The following IL32 variants were observed in gnomAD, a reference collection of about 807,000 sequenced individuals.
IL32 encodes the protein interleukin 32, also known as interleukin-32.
In IL32, 30 loss-of-function variants were observed where a neutral mutation model predicts 16.6. The observed-to-expected ratio is 1.81, with a 90% CI of 1.35 to 2.45. IL32 has a LOEUF of 2.45. IL32 is among the 30% of genes most tolerant of loss of function. The pLI, the probability that IL32 is intolerant of heterozygous loss-of-function variation, is 0.00. For missense variants in IL32, 234 were observed against 229.8 expected (o/e 1.02, Z -0.12); for synonymous variants, 70 against 86.1 (o/e 0.81, Z 1.03).
In IL32 at chr16:3,065,873, A is replaced by G. The variant is rs1162158937; in HGVS notation, c.15+47A>G. On this transcript the variant is annotated intron_variant, in intron 2 of 6. Transcript: ENST00000525643. ...CTTTTGTGGGCATGTCTGAAAACAGACCGTAAGGGTGCGGGTGCCCTCAGT... is the reference window on the plus strand; with the variant it reads ...CTTTTGTGGGCATGTCTGAAAACAGGCCGTAAGGGTGCGGGTGCCCTCAGT... The G allele has an allele frequency of 4.3e-6, 7 of 1,611,982 alleles. No individual in the cohort carries two copies. In the South Asian group the frequency reaches 7.7e-5, roughly 18 times the overall value.
intron 2 of IL32, among the ~76,000 whole-genome samples, chr16:3,066,999 C>CTGGCCCTGCTCTTGTG (rs1956397751): frequency 5.6e-5 from 4 of 71,036 alleles, no homozygotes; most frequent in East Asian, 4.9e-4. Context: ...TAGGCCCACG[C>CTGGCCCTGCTCTTGTG]AGGCCCTGCT....
chr16:3,066,126 T>C (rs1956280462), intron 2 of IL32, among the ~76,000 whole-genome samples: 1 of 152,048 alleles, frequency 6.6e-6, no homozygotes, highest in Non-Finnish European at 1.5e-5. Flanking sequence ...ACTCGGAGAA[T>C]GCTTCTCTCA....
rs868547186 is a variant in IL32, at chr16:3,067,030, A to C, written c.16-347A>C. ...CTGCTCTTGTGAGGAGGGGTCACCTAGGCCCACGCAGGCCCTGCTCTTGTG... is the reference window on the plus strand; with the variant it reads ...CTGCTCTTGTGAGGAGGGGTCACCTCGGCCCACGCAGGCCCTGCTCTTGTG... On this transcript the variant is annotated intron_variant, in intron 2 of 6. Transcript: ENST00000525643. Among the ~76,000 whole-genome samples, 7 of 56,278 alleles carry C rather than the reference A, an allele frequency of 1.2e-4. No homozygotes were observed. The East Asian group carries it at 4.7e-3, about 38-fold the overall frequency. 36.9% of individuals were successfully genotyped at this position (56,278 alleles called of 152,430 possible).
rs370604353 is a variant in IL32, at chr16:3,068,247, T to C, written c.201+8T>C. ...TATGAGGAGCAGCACCCAGTGAGTA[T>C]GACACACCCATCTGGGCACCTTGCC... is the stretch of plus-strand genomic sequence containing the variant. On this transcript the variant is annotated splice_region_variant and intron_variant, in intron 6 of 6. Transcript: ENST00000525643. 4.3e-5 allele frequency: 68 copies of C among 1,588,738 alleles called. No individual in the cohort carries two copies. Among genetic ancestry groups the C allele is most frequent in the Non-Finnish European group, 5.4e-5 (63 of 1,166,854 alleles).
upstream of IL32, chr16:3,065,611 A>G (rs1956227799): frequency 5.8e-6 from 4 of 688,082 alleles, no homozygotes; most frequent in East Asian, 7.5e-5. Context: ...CACTTTCCCC[A>G]TAAAACCAGC....
upstream of IL32, chr16:3,065,523 C>G (rs1438397216): frequency 1.8e-6 from 1 of 552,766 alleles, no homozygotes; most frequent in African/African-American, 1.9e-5. Context: ...CTGTCTCTGT[C>G]TCTGTCTCTG....
chr16:3,067,885 G>T (rs541259667), intron 4 of IL32, 99 bp from the exon 5 acceptor site: 25 of 1,403,380 alleles, frequency 1.8e-5, no homozygotes, highest in Non-Finnish European at 2.4e-5. Context: ...GGCCCAGTTC[G>T]GGGTGTGTGG....
intron 6 of IL32, 83 bp from the exon 7 acceptor site, chr16:3,068,907 A>T: frequency 1.3e-6 from 2 of 1,591,036 alleles, no homozygotes; most frequent in East Asian, 4.5e-5. Flanking sequence ...AGGGTCAGGA[A>T]AAGGCTGAGA....
In IL32 at chr16:3,069,429, C is replaced by G; in HGVS notation, c.*74C>G. 1 of 1,481,334 alleles carries G rather than the reference C, an allele frequency of 6.8e-7. No homozygotes were observed. The highest frequency in any genetic ancestry group is 9.1e-7 in the Non-Finnish European group (1 of 1,101,598). 91.8% of individuals were successfully genotyped at this position (1,481,334 alleles called of 1,614,324 possible). On this transcript the variant is annotated 3_prime_UTR_variant, in exon 7 of 7. Transcript: ENST00000525643. ...ACCCCTCCCTCAGCTGTCCTGTGCCCCGCCCTCTCCCGCACACTCAGTCCC... is the reference window on the plus strand; with the variant it reads ...ACCCCTCCCTCAGCTGTCCTGTGCCGCGCCCTCTCCCGCACACTCAGTCCC...
rs115160231 is a variant in IL32 at position 3,066,849 on chromosome 16, G to A, written c.16-528G>A. ...ACCCAGCTGAGCCAGCCTGCTCCAGGACAGTGTCCATCCTCCCGTGTGTGT... is the reference window on the plus strand; with the variant it reads ...ACCCAGCTGAGCCAGCCTGCTCCAGAACAGTGTCCATCCTCCCGTGTGTGT... On this transcript the variant is annotated intron_variant, in intron 2 of 6. Transcript: ENST00000525643. Among the ~76,000 whole-genome samples the A allele has an allele frequency of 1.9e-3, 292 of 152,186 alleles. 2 individuals carry two copies. Among genetic ancestry groups the A allele is most frequent in the African/African-American group, 6.5e-3 (268 of 41,482 alleles).
At chr16:3,067,791 C>G (rs187682429) in intron 4 of IL32, 178 bp downstream of exon 4, 1 of 811,770 alleles carries the variant, frequency 1.2e-6, no homozygotes, top group African/African-American at 1.7e-5. Context: ...TCTGGACGCC[C>G]GGGGAGACTG....
chr16:3,065,553 C>G (rs1380156360), upstream of IL32: 3 of 595,036 alleles, frequency 5.0e-6, no homozygotes, highest in Non-Finnish European at 9.0e-6. Flanking sequence ...GTTTTTCACG[C>G]ACTCAGCAAG....
intron 6 of IL32, chr16:3,068,671 G>T: frequency 2.3e-6 from 1 of 440,786 alleles, no homozygotes; most frequent in Non-Finnish European, 4.2e-6. Flanking sequence ...AGCTTGGGGT[G>T]GAGGGCTGGG....
chr16:3,067,321 C>G (rs1956488847), intron 2 of IL32, 56 bp from the exon 3 acceptor site: 2 of 828,386 alleles, frequency 2.4e-6, no homozygotes, highest in Non-Finnish European at 3.8e-6. Context: ...ATAAATTATC[C>G]TGGAGGAAAG....
chr16:3,067,686 G>C (rs764211929), intron 4 of IL32, 73 bp downstream of exon 4: 2 of 1,182,858 alleles, frequency 1.7e-6, no homozygotes, highest in Admixed American at 1.7e-5. Context: ...GTGGGGCTCA[G>C]GGTGAGAAGG....
Position 3,068,993 on chromosome 16 carries a change from C to G in IL32, c.205C>G (p.Leu69Val). 4 of 1,574,866 alleles carry G rather than the reference C, an allele frequency of 2.5e-6. No homozygotes were observed. Among genetic ancestry groups the G allele is most frequent in the Middle Eastern group, 1.7e-4 (1 of 5,832 alleles). ...GAATGGTGCTCCCATTCCACAGGAG[C>G]TCACTCCTCTACTTGAAAAAGAAAG... is the stretch of plus-strand genomic sequence containing the variant. Reference protein sequence around the residue: ...AAYYEEQHPELTPLLEKERDG... With the variant: ...AAYYEEQHPEVTPLLEKERDG... Residue 69 changes from leucine (L) to valine (V), a missense_variant, in exon 7 of 7, where the codon CTC (leucine) becomes GTC (valine). Physicochemically the swap from Leu to Val is conservative, Grantham distance 32. This residue lies in a region of IL32 where 44 missense variants were observed against 103.1 expected (regional missense o/e 0.43). Transcript: ENST00000525643.
At position 3,069,194 on chromosome 16, in the gene IL32, G is replaced by A. The variant is rs765446264; in HGVS notation, c.406G>A (p.Ala136Thr). 2.5e-6 allele frequency: 4 copies of A among 1,614,004 alleles called. No homozygotes were observed. Among genetic ancestry groups the A allele is most frequent in the Non-Finnish European group, 3.4e-6 (4 of 1,180,018 alleles). Residue 136 changes from alanine (A) to threonine (T), a missense_variant, in exon 7 of 7, where the codon GCC (alanine) becomes ACC (threonine). Physicochemically the swap from Ala to Thr is moderately conservative, Grantham distance 58. Coordinates refer to ENST00000525643, the MANE Select transcript of IL32 (RefSeq NM_001376923.1). ...GGCCTGGGTGAAGGAGAAGGTGGTG[G>A]CCCTGGTCCATGCAGTGCAGGCCCT... Reference protein sequence around the residue: ...VLAWVKEKVVALVHAVQALWK... With the variant: ...VLAWVKEKVVTLVHAVQALWK...
Position 3,069,039 on chromosome 16 carries a change from G to A in IL32, c.251G>A (p.Gly84Asp), listed in dbSNP as rs371449782. The A allele has an allele frequency of 3.8e-5, 61 of 1,605,066 alleles. No individual in the cohort carries two copies. The highest frequency in any genetic ancestry group is 2.3e-4 in the African/African-American group (17 of 74,252). Residue 84 changes from glycine to aspartate, a missense_variant, in exon 7 of 7, where the codon GGC (glycine) becomes GAC (aspartate). Gly to Asp is a moderately conservative substitution (Grantham distance 94). Around this residue, in one of 3 missense-constraint regions of IL32, gnomAD observed 44 missense variants for 103.1 expected, o/e 0.43. Transcript: ENST00000525643. ...EKERDGLRCR[G>D]NRSPVPDVED... Reference sequence around the variant, plus strand: ...GAAAGAGATGGATTACGGTGCCGAGGCAACAGATCCCCTGTCCCGGATGTT... The same window carrying A: ...GAAAGAGATGGATTACGGTGCCGAGACAACAGATCCCCTGTCCCGGATGTT...
intron 5 of IL32, 74 bp from the exon 6 acceptor site, chr16:3,068,106 T>C: frequency 1.2e-6 from 2 of 1,602,478 alleles, no homozygotes; most frequent in Non-Finnish European, 1.7e-6. Context: ...GGGAATCACC[T>C]GGACCAGTGG....
Sources: allele counts gnomAD v4.1 joint callset (sites outside exome capture counted in the v4.1 genomes callset), GRCh38; gene constraint gnomAD v4.1.1; regional missense constraint gnomAD v4.1.1; transcripts MANE v1.5; gene names NCBI Gene and HGNC (gene_info 2026-07-23, HGNC 2026-07-21).